The following TRPM3 variants were observed in gnomAD, a reference collection of about 807,000 sequenced individuals.
The protein encoded by TRPM3 is long transient receptor potential channel 3.
In TRPM3, 77 loss-of-function variants were observed where a neutral mutation model predicts 181.2. The ratio of observed to expected loss-of-function variants is 0.42; its 90% CI spans 0.35 to 0.51. The LOEUF is 0.51. Ranked by LOEUF, TRPM3 falls within the 20% of genes least tolerant of loss-of-function variation. TRPM3 has a pLI of 0.01. For missense variants in TRPM3, 1,759 were observed against 2,196.7 expected, an observed-to-expected ratio of 0.80 and a Z score of 3.98; for synonymous variants, 745 against 796.4, an observed-to-expected ratio of 0.94 and a Z score of 1.09.
At chr9:71,282,199 T>TGAAA (rs925307345) in intron 1 of TRPM3, among the ~76,000 whole-genome samples, 5 of 14,180 alleles carry the variant, frequency 3.5e-4, no homozygotes, top group South Asian at 1.9e-3. Flanking sequence ...AAAGAAAGAA[T>TGAAA]GAAAGAAAGA....
At chr9:71,160,099 G>T (rs1031135449) in intron 1 of TRPM3, among the ~76,000 whole-genome samples, 1 of 151,854 alleles carries the variant, frequency 6.6e-6, no homozygotes, top group Non-Finnish European at 1.5e-5. Context: ...TAGTTATACT[G>T]GCCTCCATGT....
chr9:70,640,446 C>G, intron 10 of TRPM3, 114 bp downstream of exon 10: 1 of 749,390 alleles, frequency 1.3e-6, no homozygotes, highest in Non-Finnish European at 2.2e-6. Context: ...CCAAGGAACA[C>G]ATTCCATCTT....
At chr9:70,854,031 CT>C (rs1301135196) in intron 3 of TRPM3, among the ~76,000 whole-genome samples, 1 of 152,294 alleles carries the variant, frequency 6.6e-6, no homozygotes, top group East Asian at 1.9e-4. Flanking sequence ...CAGCAGTTAA[CT>C]CATGTGCCGA....
intron 17 of TRPM3, among the ~76,000 whole-genome samples, chr9:70,617,207 A>T (rs1005525533): frequency 6.6e-6 from 1 of 152,178 alleles, no homozygotes; most frequent in South Asian, 2.1e-4. Flanking sequence ...TTCAGGGGAC[A>T]TGACACCCTG....
At chr9:70,614,370 T>A (rs1381099215) in intron 18 of TRPM3, among the ~76,000 whole-genome samples, 1 of 150,008 alleles carries the variant, frequency 6.7e-6, no homozygotes, top group Non-Finnish European at 1.5e-5. Flanking sequence ...CATTCCCAGC[T>A]ACTTGGGAGG....
chr9:70,939,607 T>C (rs1012186613), intron 1 of TRPM3, among the ~76,000 whole-genome samples: 3 of 152,150 alleles, frequency 2.0e-5, no homozygotes, highest in Non-Finnish European at 4.4e-5. Context: ...AAGTGAAAGA[T>C]TGAAAAGAGA....
chr9:70,898,123 T>G (rs1405901603), intron 1 of TRPM3, among the ~76,000 whole-genome samples: 3 of 151,836 alleles, frequency 2.0e-5, no homozygotes, highest in African/African-American at 7.3e-5. Flanking sequence ...TAAATTGTTT[T>G]TTTTTTTTGG....
At chr9:70,910,192 C>T (rs988078785) in intron 1 of TRPM3, among the ~76,000 whole-genome samples, 2 of 152,124 alleles carry the variant, frequency 1.3e-5, no homozygotes, top group Non-Finnish European at 2.9e-5. Context: ...CATGCTTACA[C>T]AATGGAATAC....
At chr9:70,901,875 A>G (rs1233129889) in intron 1 of TRPM3, among the ~76,000 whole-genome samples, 1 of 152,222 alleles carries the variant, frequency 6.6e-6, no homozygotes, top group African/African-American at 2.4e-5. Context: ...CACATATATG[A>G]AAGTGCTTTG....
chr9:70,936,841 A>G (rs1313285130), intron 1 of TRPM3, among the ~76,000 whole-genome samples: 1 of 152,210 alleles, frequency 6.6e-6, no homozygotes, highest in Non-Finnish European at 1.5e-5. Flanking sequence ...TGGGCATTGA[A>G]GAAGAAATTT....
intron 7 of TRPM3, 66 bp from the exon 8 acceptor site, chr9:70,761,790 T>A: frequency 6.5e-7 from 1 of 1,541,772 alleles, no homozygotes; most frequent in Non-Finnish European, 8.7e-7. Context: ...TTCTGAGAAA[T>A]ACAGAGCTCA....
chr9:70,621,237 C>T lies in TRPM3; in HGVS notation c.1839+7G>A. The T allele has an allele frequency of 1.3e-6, 2 of 1,591,024 alleles. No homozygotes were observed. Among genetic ancestry groups the T allele is most frequent in the Non-Finnish European group, 1.7e-6 (2 of 1,168,680 alleles). On this transcript the variant is annotated splice_region_variant and intron_variant, in intron 15 of 25. Transcript: ENST00000677713. ...CATTGACACTAATAATTTGGACAAA[C>T]ACTTACCTCCATTCCCAGCAGTTTC...
intron 1 of TRPM3, among the ~76,000 whole-genome samples, chr9:70,927,654 T>C (rs780326029): frequency 1.2e-4 from 18 of 152,180 alleles, no homozygotes; most frequent in Non-Finnish European, 2.4e-4. Flanking sequence ...CTTCTAGCAT[T>C]TCTCTTAGGC....
intron 1 of TRPM3, among the ~76,000 whole-genome samples, chr9:70,956,085 G>T (rs2097066612): frequency 6.6e-6 from 1 of 152,086 alleles, no homozygotes; most frequent in Admixed American, 6.6e-5. Flanking sequence ...TTTGAAGGGT[G>T]CCCGATTGAG....
chr9:71,173,066 C>A (rs2076942978), intron 1 of TRPM3, among the ~76,000 whole-genome samples: 1 of 152,164 alleles, frequency 6.6e-6, no homozygotes, highest in Admixed American at 6.5e-5. Context: ...CCTCTGAACA[C>A]CTTTTCACTG....
chr9:70,879,371 G>A lies in TRPM3; in HGVS notation c.178-14860C>T, dbSNP rs139764670. Among the ~76,000 whole-genome samples the A allele has an allele frequency of 3.6e-3, 543 of 152,176 alleles. 1 individual carries two copies. The highest frequency in any genetic ancestry group is 4.4e-3 in the Non-Finnish European group (299 of 67,982). On this transcript the variant is annotated intron_variant, in intron 1 of 25. Transcript: ENST00000677713. Reference sequence around the variant, plus strand: ...CCTTTCTTATTTCCATAGCTTCAGAGAGGTAGTTGCAAATTAATTACCTGT... The same window carrying A: ...CCTTTCTTATTTCCATAGCTTCAGAAAGGTAGTTGCAAATTAATTACCTGT...
chr9:71,180,691 A>T (rs980264657), intron 1 of TRPM3, among the ~76,000 whole-genome samples: 1 of 152,136 alleles, frequency 6.6e-6, no homozygotes, highest in Non-Finnish European at 1.5e-5. Flanking sequence ...TGCCAAAGAA[A>T]TTCTTAATAC....
chr9:71,028,540 C>G (rs2056870330), intron 1 of TRPM3, among the ~76,000 whole-genome samples: 1 of 151,664 alleles, frequency 6.6e-6, no homozygotes, highest in Non-Finnish European at 1.5e-5. Flanking sequence ...ATAACCAAAA[C>G]CTAGTGATAT....
At chr9:71,208,299 G>A (rs1298642014) in intron 1 of TRPM3, among the ~76,000 whole-genome samples, 1 of 152,106 alleles carries the variant, frequency 6.6e-6, no homozygotes, top group Non-Finnish European at 1.5e-5. Flanking sequence ...AACAGCAAGA[G>A]TACAACTTGC....
Sources: gnomAD v4.1 joint callset for allele counts (sites outside exome capture counted in the v4.1 genomes callset) on GRCh38, gnomAD v4.1.1 for gene constraint, MANE v1.5 for transcripts, NCBI Gene and HGNC (gene_info 2026-07-23, HGNC 2026-07-21) for gene names.